The following MON2 variants were observed in gnomAD, a reference collection of about 807,000 sequenced individuals.
MON2 encodes the protein protein MON2 homolog.
A neutral mutation model predicts 208.6 loss-of-function variants in MON2; 84 were observed. The observed-to-expected ratio is 0.40, with a 90% CI of 0.34 to 0.48. The LOEUF is 0.48. Among genes scored for constraint, MON2 ranks in the 20% least tolerant of loss-of-function variants. MON2 has a pLI of 0.59. For missense variants in MON2, 1,611 were observed against 2,015.4 expected (o/e 0.80, Z 3.84); for synonymous variants, 660 against 694.0 (o/e 0.95, Z 0.77).
At chr12:62,515,401 C>T (rs955224248) in intron 8 of MON2, among the ~76,000 whole-genome samples, 2 of 152,104 alleles carry the variant, frequency 1.3e-5, no homozygotes, top group Admixed American at 6.5e-5. Flanking sequence ...TCCACTTATG[C>T]GTGGTACCTT....
chr12:62,507,215 ACT>A (rs1240852703), intron 7 of MON2, among the ~76,000 whole-genome samples: 1 of 151,738 alleles, frequency 6.6e-6, no homozygotes, highest in Non-Finnish European at 1.5e-5. Flanking sequence ...TATAACTTAT[ACT>A]CTCTTAGGAA....
intron 11 of MON2, 46 bp downstream of exon 11, chr12:62,526,148 G>A (rs998101568): frequency 1.9e-6 from 3 of 1,563,710 alleles, no homozygotes; most frequent in Non-Finnish European, 2.6e-6. Flanking sequence ...GTTGTTGGGG[G>A]TGATATTTAA....
intron 4 of MON2, 117 bp from the exon 5 acceptor site, chr12:62,498,802 G>A: frequency 9.4e-7 from 1 of 1,066,616 alleles, no homozygotes; most frequent in Non-Finnish European, 1.3e-6. Context: ...ATATTTTATT[G>A]TAAATGGTGG....
At chr12:62,567,777 C>G (rs1023074004) in intron 29 of MON2, among the ~76,000 whole-genome samples, 1 of 152,134 alleles carries the variant, frequency 6.6e-6, no homozygotes, top group African/African-American at 2.4e-5. Context: ...TAAAGAAAGG[C>G]AAACAAGTAA....
chr12:62,548,513 G>A (rs1388567249), intron 22 of MON2, among the ~76,000 whole-genome samples: 3 of 152,074 alleles, frequency 2.0e-5, no homozygotes, highest in Non-Finnish European at 2.9e-5. Flanking sequence ...TGACTAGTTC[G>A]GAAGTTGTAG....
chr12:62,585,770 A>C, intron 33 of MON2: 1 of 245,746 alleles, frequency 4.1e-6, no homozygotes. Context: ...GAATTAAAAA[A>C]AAATAAACTG....
At chr12:62,571,617 G>T (rs778129712) in intron 30 of MON2, 35 bp downstream of exon 30, 1 of 1,518,076 alleles carries the variant, frequency 6.6e-7, no homozygotes, top group South Asian at 1.2e-5. Flanking sequence ...AAGACAAGAA[G>T]TGGCACATTA....
intron 23 of MON2, among the ~76,000 whole-genome samples, chr12:62,550,170 G>A (rs2073678767): frequency 6.6e-6 from 1 of 152,158 alleles, no homozygotes; most frequent in African/African-American, 2.4e-5. Context: ...GTACTTTGAA[G>A]CCTTGAAGCC....
chr12:62,530,310 A>G (rs1376991801), intron 11 of MON2, among the ~76,000 whole-genome samples: 1 of 149,086 alleles, frequency 6.7e-6, no homozygotes, highest in Non-Finnish European at 1.5e-5. Context: ...GGCTCACTGC[A>G]AGCTCTGCCT....
At position 62,597,045 on chromosome 12, in the gene MON2, CAG is replaced by C. The variant is rs1386241932; in HGVS notation, c.*4300_*4301del. 1 of 152,114 alleles carries C rather than the reference CAG, an allele frequency of 6.6e-6. No homozygotes were observed. The highest frequency in any genetic ancestry group is 2.4e-5 in the African/African-American group (1 of 41,428). 9.4% of individuals were successfully genotyped at this position (152,114 alleles called of 1,614,324 possible). A position where few individuals can be genotyped will look rare whatever the true frequency, so the allele number is the denominator to read the frequency against. ...TCAAAGCGGTTTCCTTATTTCTAAA[CAG>C]AGATGATGATCAATGAGTTACTAAT... On this transcript the variant is annotated 3_prime_UTR_variant, in exon 35 of 35. Coordinates refer to ENST00000393630, the MANE Select transcript of MON2 (RefSeq NM_015026.3).
chr12:62,474,063 C>T (rs187099023), intron 1 of MON2, among the ~76,000 whole-genome samples: 3 of 126,046 alleles, frequency 2.4e-5, no homozygotes, highest in African/African-American at 9.0e-5. Context: ...ACATCAAACA[C>T]ATCTAGGACG....
At chr12:62,492,727 TCCCAG>T (rs2070231159) in intron 2 of MON2, among the ~76,000 whole-genome samples, 1 of 141,398 alleles carries the variant, frequency 7.1e-6, no homozygotes, top group South Asian at 2.6e-4. Flanking sequence ...ACGCCTGTAA[TCCCAG>T]CACTTTGGGA....
intron 11 of MON2, among the ~76,000 whole-genome samples, chr12:62,532,110 G>GT (rs1259535327): frequency 2.6e-5 from 4 of 152,096 alleles, no homozygotes; most frequent in African/African-American, 9.7e-5. Flanking sequence ...AGTTTAAGAA[G>GT]TTTTATCTCA....
chr12:62,553,850 TG>T (rs1362558597), intron 24 of MON2, among the ~76,000 whole-genome samples: 1 of 152,186 alleles, frequency 6.6e-6, no homozygotes, highest in African/African-American at 2.4e-5. Flanking sequence ...CACTTGCTTT[TG>T]TGAGTTTTTC....
rs1245202662 is a variant in MON2, at chr12:62,566,328, T to G, written c.4201T>G (p.Trp1401Gly). The change falls in exon 29 of 35, where the codon TGG (tryptophan) becomes GGG (glycine). Residue 1401 changes from tryptophan to glycine, a missense_variant. Physicochemically the swap from Trp to Gly is radical, Grantham distance 184. Coordinates refer to ENST00000393630, the MANE Select transcript of MON2 (RefSeq NM_015026.3). ...TGAAAATATTACTTTCTAGGCGGAA[T>G]GGGTAGCCTTGAATTATGTGCCGTT... The part of the protein sequence containing the change: ...NQIQLFAPAE[W>G]VALNYVPFAE... 1 of 1,607,194 alleles carries G rather than the reference T, an allele frequency of 6.2e-7. No individual in the cohort carries two copies.
intron 8 of MON2, among the ~76,000 whole-genome samples, chr12:62,519,412 C>T (rs982319845): frequency 3.3e-5 from 5 of 152,046 alleles, no homozygotes; most frequent in Non-Finnish European, 7.4e-5. Flanking sequence ...GTTGAATGCC[C>T]TATGAAAACA....
intron 1 of MON2, among the ~76,000 whole-genome samples, chr12:62,479,900 A>G (rs1256863291): frequency 6.6e-6 from 1 of 152,228 alleles, no homozygotes; most frequent in Non-Finnish European, 1.5e-5. Context: ...TTTTAAAGCA[A>G]GAAGCTAACA....
Position 62,547,718 on chromosome 12 carries a change from A to G in MON2, c.2753+646A>G, listed in dbSNP as rs117770563. Among the ~76,000 whole-genome samples the G allele has an allele frequency of 7.9e-5, 12 of 152,270 alleles. No homozygotes were observed. In the East Asian group the frequency reaches 2.1e-3, roughly 27 times the overall value. On this transcript the variant is annotated intron_variant, in intron 22 of 34. Coordinates refer to ENST00000393630, the MANE Select transcript of MON2 (RefSeq NM_015026.3). ...ATGATGGAGGTCCCATAAGATTTTA[A>G]TACTCTGTTTTTACTGTACGTTTTC...
intron 10 of MON2, 121 bp from the exon 11 acceptor site, chr12:62,525,828 C>A: frequency 1.3e-6 from 1 of 753,678 alleles, no homozygotes; most frequent in Non-Finnish European, 2.2e-6. Flanking sequence ...TTTATTTCTG[C>A]AATACCCATT....
Sources: allele counts gnomAD v4.1 joint callset (sites outside exome capture counted in the v4.1 genomes callset), GRCh38; gene constraint gnomAD v4.1.1; transcripts MANE v1.5; gene names NCBI Gene and HGNC (gene_info 2026-07-23, HGNC 2026-07-21).